The following SCAPER variants were observed in gnomAD, a reference collection of about 807,000 sequenced individuals.
SCAPER encodes S phase cyclin A-associated protein in the endoplasmic reticulum.
Under a neutral mutation model 182.2 loss-of-function variants are expected in SCAPER, and 98 were observed. That is an observed-to-expected ratio of 0.54 (90% CI 0.46 to 0.64). SCAPER has a LOEUF of 0.64. Among genes scored for constraint, SCAPER ranks in the 30% least tolerant of loss-of-function variants. The pLI, the probability that SCAPER is intolerant of heterozygous loss-of-function variation, is 0.00. For synonymous variants in SCAPER, 605 were observed against 564.6 expected (o/e 1.07, Z -1.01); for missense variants, 1,432 against 1,690.0 (o/e 0.85, Z 2.68).
chr15:76,870,137 G>A lies in SCAPER; in HGVS notation c.7-7604C>T, dbSNP rs147398850. 1.7e-4 allele frequency among the ~76,000 whole-genome samples: 26 copies of A among 152,138 alleles called. No homozygotes were observed. The Middle Eastern group carries it at 0.01, about 60-fold the overall frequency. ...GTGGGGATAAAAAGTTGATTAATGG[G>A]TACAAATATATGGTTGGATAGAAAA... On this transcript the variant is annotated intron_variant, in intron 2 of 31. Coordinates refer to ENST00000563290, the MANE Select transcript of SCAPER (RefSeq NM_020843.4).
intron 24 of SCAPER, among the ~76,000 whole-genome samples, chr15:76,502,329 C>A (rs2041194564): frequency 6.6e-6 from 1 of 152,116 alleles, no homozygotes; most frequent in Non-Finnish European, 1.5e-5. Context: ...CCCAAATGTC[C>A]ATCAATGATA....
intron 14 of SCAPER, among the ~76,000 whole-genome samples, chr15:76,763,700 C>G: frequency 6.6e-6 from 1 of 152,010 alleles, no homozygotes; most frequent in Non-Finnish European, 1.5e-5. Flanking sequence ...GACCTGTTTT[C>G]AAGTTCTCTT....
At chr15:76,671,658 T>C (rs2057020476) in intron 20 of SCAPER, among the ~76,000 whole-genome samples, 2 of 151,834 alleles carry the variant, frequency 1.3e-5, no homozygotes, top group South Asian at 4.2e-4. Flanking sequence ...TAGTCCCAGC[T>C]ACTCTGGAGG....
intron 8 of SCAPER, among the ~76,000 whole-genome samples, chr15:76,775,925 T>C (rs552425723): frequency 6.6e-6 from 1 of 152,296 alleles, no homozygotes; most frequent in South Asian, 2.1e-4. Flanking sequence ...TAGCCCCAAT[T>C]GTAAATTTTT....
At position 76,602,751 on chromosome 15, in the gene SCAPER, T is replaced by C. The variant is rs948456519; in HGVS notation, c.2711+19013A>G. On this transcript the variant is annotated intron_variant, in intron 22 of 31. Coordinates refer to ENST00000563290, the MANE Select transcript of SCAPER (RefSeq NM_020843.4). ...AGTTGTCCCACAGTTTCAGATATTC[T>C]GTTCACTTTCTCCCCAGTCTTCTTT... is the stretch of plus-strand genomic sequence containing the variant. Among the ~76,000 whole-genome samples the C allele has an allele frequency of 5.0e-5, 6 of 120,076 alleles. 1 individual carries two copies. Among genetic ancestry groups the C allele is most frequent in the African/African-American group, 1.5e-4 (6 of 39,526 alleles). 78.8% of individuals were successfully genotyped at this position (120,076 alleles called of 152,430 possible). A position where few individuals can be genotyped will look rare whatever the true frequency, so the allele number is the denominator to read the frequency against.
intron 24 of SCAPER, among the ~76,000 whole-genome samples, chr15:76,488,942 C>T (rs1388785307): frequency 1.3e-5 from 2 of 150,778 alleles, no homozygotes; most frequent in South Asian, 2.1e-4. Context: ...AGGCTGGTCT[C>T]GAACTCCTGA....
chr15:76,785,599 T>A (rs1335965041), intron 8 of SCAPER, among the ~76,000 whole-genome samples: 2 of 152,220 alleles, frequency 1.3e-5, no homozygotes, highest in East Asian at 3.8e-4. Flanking sequence ...GTGGCACTAT[T>A]CACAATAGAA....
At chr15:76,724,165 T>TTC (rs2060444823) in intron 17 of SCAPER, among the ~76,000 whole-genome samples, 1 of 141,736 alleles carries the variant, frequency 7.1e-6, no homozygotes, top group Non-Finnish European at 1.6e-5. Flanking sequence ...AGCAAAGACT[T>TTC]ATTTCTCCTT....
chr15:76,540,481 T>C (rs368381101), intron 23 of SCAPER, among the ~76,000 whole-genome samples: 1 of 152,188 alleles, frequency 6.6e-6, no homozygotes, highest in South Asian at 2.1e-4. Flanking sequence ...GATGTTCATA[T>C]ATACTGCTTA....
At chr15:76,716,325 C>T (rs998446364) in intron 17 of SCAPER, among the ~76,000 whole-genome samples, 1 of 152,138 alleles carries the variant, frequency 6.6e-6, no homozygotes, top group African/African-American at 2.4e-5. Context: ...TCATCCCCTT[C>T]CCACTCTGTA....
At chr15:76,875,619 T>C (rs2073087133) in intron 2 of SCAPER, among the ~76,000 whole-genome samples, 1 of 152,224 alleles carries the variant, frequency 6.6e-6, no homozygotes, top group Non-Finnish European at 1.5e-5. Flanking sequence ...TGGTGGGTTC[T>C]TGGTCTCACT....
intron 22 of SCAPER, among the ~76,000 whole-genome samples, chr15:76,580,625 AAACAT>A (rs907834647): frequency 1.6e-4 from 24 of 152,212 alleles, no homozygotes; most frequent in African/African-American, 5.1e-4. Flanking sequence ...ATTATAATGG[AAACAT>A]AACATAACAA....
intron 21 of SCAPER, among the ~76,000 whole-genome samples, chr15:76,636,840 A>G (rs571142810): frequency 5.2e-4 from 79 of 152,310 alleles, no homozygotes; most frequent in African/African-American, 1.8e-3. Context: ...TTTGCCAATT[A>G]ACTATATTGT....
chr15:76,584,317 G>A (rs1274048815), intron 22 of SCAPER, among the ~76,000 whole-genome samples: 2 of 152,146 alleles, frequency 1.3e-5, no homozygotes, highest in Admixed American at 1.3e-4. Context: ...CAAACATATA[G>A]TTAGATAGAA....
At position 76,701,881 on chromosome 15, in the gene SCAPER, C is replaced by A; in HGVS notation, c.2401-16G>T. On this transcript the variant is annotated splice_polypyrimidine_tract_variant and intron_variant, in intron 19 of 31. Coordinates refer to ENST00000563290, the MANE Select transcript of SCAPER (RefSeq NM_020843.4). ...CTGAAGAGATCTGAAAGCACAAAAT[C>A]AAAGCAATGTAATCAATATAACATT... The A allele has an allele frequency of 6.4e-7, 1 of 1,562,106 alleles. No homozygotes were observed. Among genetic ancestry groups the A allele is most frequent in the South Asian group, 1.1e-5 (1 of 89,804 alleles).
chr15:76,864,586 A>G (rs188245988), intron 2 of SCAPER, among the ~76,000 whole-genome samples: 43 of 152,348 alleles, frequency 2.8e-4, no homozygotes, highest in Admixed American at 2.5e-3. Flanking sequence ...TTATTTTCAA[A>G]TGAAGGAAAT....
chr15:76,594,147 T>C (rs2049330734), intron 22 of SCAPER, among the ~76,000 whole-genome samples: 1 of 119,270 alleles, frequency 8.4e-6, no homozygotes, highest in Non-Finnish European at 2.0e-5. Context: ...CTGATGGAGC[T>C]GAAAAACACA....
intron 22 of SCAPER, among the ~76,000 whole-genome samples, chr15:76,616,712 C>T (rs2051524479): frequency 6.6e-6 from 1 of 151,996 alleles, no homozygotes; most frequent in Non-Finnish European, 1.5e-5. Context: ...ATATGAAGTA[C>T]TGATGACTTA....
At chr15:76,570,248 C>T (rs550640879) in intron 23 of SCAPER, among the ~76,000 whole-genome samples, 2 of 152,178 alleles carry the variant, frequency 1.3e-5, no homozygotes, top group East Asian at 3.9e-4. Flanking sequence ...TTGCACAGTC[C>T]TTTAAGATCC....
Sources: allele counts gnomAD v4.1 joint callset (sites outside exome capture counted in the v4.1 genomes callset), GRCh38; gene constraint gnomAD v4.1.1; transcripts MANE v1.5; gene names NCBI Gene and HGNC (gene_info 2026-07-23, HGNC 2026-07-21).